The following KYNU variants were observed in gnomAD, a reference collection of about 807,000 sequenced individuals.
KYNU encodes the protein kynureninase.
KYNU carries 54 observed loss-of-function variants against 59.2 expected under a neutral mutation model. The observed-to-expected ratio is 0.91, with a 90% CI of 0.73 to 1.14. The LOEUF is 1.14. Ranked by LOEUF, KYNU falls within the 50% of genes most tolerant of loss-of-function variation. The pLI, the probability that KYNU is intolerant of heterozygous loss-of-function variation, is 0.00. For synonymous variants in KYNU, 177 were observed against 192.0 expected (o/e 0.92, Z 0.65); for missense variants, 567 against 554.4 (o/e 1.02, Z -0.23).
At chr2:142,887,786 T>G (rs1343269502) in intron 2 of KYNU, among the ~76,000 whole-genome samples, 1 of 152,186 alleles carries the variant, frequency 6.6e-6, no homozygotes, top group Non-Finnish European at 1.5e-5. Context: ...TATTGTTTAA[T>G]GGGTATAAAA....
At chr2:142,896,309 T>A (rs1681876153) in intron 2 of KYNU, among the ~76,000 whole-genome samples, 1 of 152,166 alleles carries the variant, frequency 6.6e-6, no homozygotes. Context: ...TATTACCAGT[T>A]TTTTGTTGTT....
chr2:142,988,799 C>G (rs369756401), intron 10 of KYNU: 3 of 1,355,000 alleles, frequency 2.2e-6, no homozygotes, highest in Admixed American at 1.7e-5. Flanking sequence ...AGCCTTGGCT[C>G]TCTATTCTGT....
At chr2:142,924,368 A>G (rs1182531925) in intron 3 of KYNU, among the ~76,000 whole-genome samples, 1 of 152,198 alleles carries the variant, frequency 6.6e-6, no homozygotes, top group Admixed American at 6.5e-5. Context: ...TGGACTCCCA[A>G]AATGCTGGGA....
intron 4 of KYNU, among the ~76,000 whole-genome samples, chr2:142,943,179 G>A (rs1446892998): frequency 6.6e-6 from 1 of 152,114 alleles, no homozygotes; most frequent in Non-Finnish European, 1.5e-5. Context: ...GACATTCCTG[G>A]TGATGGGAAG....
At chr2:142,977,580 T>A (rs1684931479) in intron 8 of KYNU, among the ~76,000 whole-genome samples, 2 of 152,116 alleles carry the variant, frequency 1.3e-5, no homozygotes, top group East Asian at 3.8e-4. Flanking sequence ...TTATTTGTGT[T>A]GATTTTCATT....
rs541627825 is a variant in KYNU at position 142,880,412 on chromosome 2, C to T, written c.-20+2676C>T. On this transcript the variant is annotated intron_variant, in intron 1 of 13. Coordinates refer to ENST00000264170, the MANE Select transcript of KYNU (RefSeq NM_003937.3). Reference sequence around the variant, plus strand: ...CTTGTCACCTTTTCAGGAGACATAGCTGTTCAATCCCTTGCCATTGTGTAA... The same window carrying T: ...CTTGTCACCTTTTCAGGAGACATAGTTGTTCAATCCCTTGCCATTGTGTAA... Among the ~76,000 whole-genome samples, 6 of 152,304 alleles carry T rather than the reference C, an allele frequency of 3.9e-5. No homozygotes were observed. The South Asian group carries it at 6.2e-4, about 16-fold the overall frequency.
At chr2:142,976,275 A>G (rs1031733169) in intron 8 of KYNU, among the ~76,000 whole-genome samples, 1 of 152,164 alleles carries the variant, frequency 6.6e-6, no homozygotes, top group African/African-American at 2.4e-5. Context: ...TCTCAGAACA[A>G]TTATTCATTA....
At chr2:143,036,124 C>T (rs1244981075) in intron 12 of KYNU, among the ~76,000 whole-genome samples, 2 of 151,816 alleles carry the variant, frequency 1.3e-5, no homozygotes, top group Non-Finnish European at 2.9e-5. Context: ...GAACTCCTGG[C>T]CTCAAGCGAT....
intron 3 of KYNU, among the ~76,000 whole-genome samples, chr2:142,922,427 C>T (rs997241364): frequency 1.3e-5 from 2 of 151,950 alleles, no homozygotes; most frequent in African/African-American, 4.8e-5. Context: ...ATCGCTTGAG[C>T]CTGGAATGTG....
chr2:143,032,892 T>C (rs1686798012), intron 11 of KYNU, among the ~76,000 whole-genome samples: 1 of 152,116 alleles, frequency 6.6e-6, no homozygotes, highest in Non-Finnish European at 1.5e-5. Flanking sequence ...TTGACATGGT[T>C]TCATAATAGA....
intron 4 of KYNU, among the ~76,000 whole-genome samples, chr2:142,931,086 G>C (rs770560174): frequency 2.6e-5 from 4 of 152,192 alleles, no homozygotes; most frequent in Non-Finnish European, 5.9e-5. Context: ...GTGTCTTCCG[G>C]CCAGGGTAGC....
rs371844626 is a variant in KYNU at position 142,881,366 on chromosome 2, A to C, written c.-20+3630A>C. On this transcript the variant is annotated intron_variant, in intron 1 of 13. Transcript: ENST00000264170. ...CTAGGAATATAAAGAATGGCTTATC[A>C]GTGGAGACCATCGACAGTTGAGAAA... 6.6e-5 allele frequency: 10 copies of C among 152,236 alleles called. No individual in the cohort carries two copies. In the East Asian group the frequency reaches 1.7e-3, roughly 26 times the overall value. The allele number at this position is 152,236 out of a possible 1,614,324, so 9.4% of individuals were successfully genotyped here.
intron 2 of KYNU, among the ~76,000 whole-genome samples, chr2:142,901,704 T>A (rs1423489029): frequency 2.6e-5 from 4 of 152,226 alleles, no homozygotes; most frequent in African/African-American, 9.6e-5. Flanking sequence ...TCCCTTTTTT[T>A]AATTCTAGTG....
At chr2:143,039,812 G>A (rs1027621621) in intron 12 of KYNU, among the ~76,000 whole-genome samples, 2 of 152,094 alleles carry the variant, frequency 1.3e-5, no homozygotes, top group Admixed American at 1.3e-4. Flanking sequence ...AATGGGTCCA[G>A]GTGCTGGAGT....
rs1687331692 is a variant in KYNU, at chr2:143,055,075, A to G, written c.*12903A>G. ...ATACAAAATCTGGAATTTGCCTTAA[A>G]ATTCCTCTGCAAAATTATAAAAAAG... is the stretch of plus-strand genomic sequence containing the variant. On this transcript the variant is annotated 3_prime_UTR_variant, in exon 14 of 14. Coordinates refer to ENST00000264170, the MANE Select transcript of KYNU (RefSeq NM_003937.3). 1 of 152,208 alleles carries G rather than the reference A, an allele frequency of 6.6e-6. No homozygotes were observed. Among genetic ancestry groups the G allele is most frequent in the Non-Finnish European group, 1.5e-5 (1 of 68,038 alleles). The allele number at this position is 152,208 out of a possible 1,614,324, so 9.4% of individuals were successfully genotyped here.
chr2:142,918,769 C>G, intron 3 of KYNU, 40 bp downstream of exon 3: 1 of 1,581,016 alleles, frequency 6.3e-7, no homozygotes, highest in Non-Finnish European at 8.7e-7. Context: ...ACATCTCATA[C>G]AAAAATTTAC....
At chr2:142,951,038 C>A (rs1014736733) in intron 4 of KYNU, among the ~76,000 whole-genome samples, 2 of 152,160 alleles carry the variant, frequency 1.3e-5, no homozygotes, top group African/African-American at 2.4e-5. Flanking sequence ...TGATTAAGTT[C>A]TCTGTCTTAT....
intron 6 of KYNU, among the ~76,000 whole-genome samples, chr2:142,956,968 C>A (rs1684184873): frequency 6.6e-6 from 1 of 151,974 alleles, no homozygotes; most frequent in Admixed American, 6.6e-5. Flanking sequence ...TATAGTGAGA[C>A]CTCGTCTCTA....
At chr2:143,036,132 G>A (rs6741488) in intron 12 of KYNU, among the ~76,000 whole-genome samples, 105,496 of 151,558 alleles carry the variant, frequency 0.7, 37,090 homozygotes, top group Middle Eastern at 0.77. Flanking sequence ...GGCCTCAAGC[G>A]ATTCTCCTGC....
Sources: allele counts gnomAD v4.1 joint callset (sites outside exome capture counted in the v4.1 genomes callset), GRCh38; gene constraint gnomAD v4.1.1; transcripts MANE v1.5; gene names NCBI Gene and HGNC (gene_info 2026-07-23, HGNC 2026-07-21).